The following PPP2R5A variants were observed in gnomAD, a reference collection of about 807,000 sequenced individuals.
PPP2R5A encodes the protein serine/threonine-protein phosphatase 2A 56 kDa regulatory subunit alpha isoform.
PPP2R5A carries 25 observed loss-of-function variants against 64.2 expected under a neutral mutation model. That is an observed-to-expected ratio of 0.39 (90% CI 0.28 to 0.54). The LOEUF is 0.54. Ranked by LOEUF, PPP2R5A falls within the 20% of genes least tolerant of loss-of-function variation. PPP2R5A has a pLI of 0.67. For missense variants in PPP2R5A, 425 were observed against 576.3 expected, an observed-to-expected ratio of 0.74 and a Z score of 2.69; for synonymous variants, 198 against 201.2, an observed-to-expected ratio of 0.98 and a Z score of 0.13.
At position 212,305,308 on chromosome 1, in the gene PPP2R5A, C is replaced by A. The variant is rs376036727; in HGVS notation, c.181+19017C>A. ...AAAGTGCTGGGATTACAGGTGTGAG[C>A]CACCGCGCCCGGCTCCAGCCCCCAA... On this transcript the variant is annotated intron_variant, in intron 1 of 12. Coordinates refer to ENST00000261461, the MANE Select transcript of PPP2R5A (RefSeq NM_006243.4). Among the ~76,000 whole-genome samples the A allele has an allele frequency of 3.9e-5, 6 of 152,196 alleles. No individual in the cohort carries two copies. The South Asian group carries it at 8.3e-4, about 21-fold the overall frequency.
intron 1 of PPP2R5A, 127 bp downstream of exon 1, chr1:212,286,418 TC>T (rs1303193035): frequency 6.6e-6 from 7 of 1,054,078 alleles, no homozygotes; most frequent in Admixed American, 4.0e-5. Context: ...TGAGCCGAGT[TC>T]CCCACAATGC....
chr1:212,289,192 C>T (rs1356642409), intron 1 of PPP2R5A, among the ~76,000 whole-genome samples: 2 of 152,138 alleles, frequency 1.3e-5, no homozygotes, highest in Admixed American at 6.5e-5. Context: ...AATTATTTTA[C>T]CTTAAAAATT....
chr1:212,285,896 C>A lies in PPP2R5A; in HGVS notation c.-215C>A. 1 of 423,508 alleles carries A rather than the reference C, an allele frequency of 2.4e-6. No individual in the cohort carries two copies. The highest frequency in any genetic ancestry group is 4.0e-6 in the Non-Finnish European group (1 of 248,996). 26.2% of individuals were successfully genotyped at this position (423,508 alleles called of 1,614,324 possible). On this transcript the variant is annotated 5_prime_UTR_variant, in exon 1 of 13. Coordinates refer to ENST00000261461, the MANE Select transcript of PPP2R5A (RefSeq NM_006243.4). ...GTCAGCCCCGGGAGCTCGCCGCGCG[C>A]CGGGGACCAGGAACCTCCAGCGCTG... is the stretch of plus-strand genomic sequence containing the variant.
chr1:212,345,691 A>G (rs1021592611), intron 4 of PPP2R5A, 112 bp from the exon 5 acceptor site: 2 of 1,082,986 alleles, frequency 1.8e-6, no homozygotes, highest in African/African-American at 3.3e-5. Context: ...GTGGTAAGGA[A>G]GAACTCTAAA....
intron 1 of PPP2R5A, among the ~76,000 whole-genome samples, chr1:212,287,153 C>T (rs944346533): frequency 6.6e-6 from 1 of 152,094 alleles, no homozygotes; most frequent in African/African-American, 2.4e-5. Context: ...CTCACTTTTC[C>T]CACTAGGTTT....
intron 11 of PPP2R5A, chr1:212,357,579 G>A (rs560841541): frequency 5.7e-4 from 96 of 168,156 alleles, no homozygotes; most frequent in Admixed American, 7.6e-4. Context: ...CGAGGCGGGC[G>A]GATCACAAGG....
chr1:212,315,430 C>T (rs1381105722), intron 1 of PPP2R5A, among the ~76,000 whole-genome samples: 1 of 152,172 alleles, frequency 6.6e-6, no homozygotes, highest in Non-Finnish European at 1.5e-5. Flanking sequence ...ATATATATTA[C>T]ACAGAGTTAT....
intron 1 of PPP2R5A, among the ~76,000 whole-genome samples, chr1:212,316,124 G>A (rs1193590993): frequency 6.6e-6 from 1 of 152,162 alleles, no homozygotes; most frequent in African/African-American, 2.4e-5. Context: ...TGGCTGCTAA[G>A]TGTTGAAGTG....
chr1:212,293,630 T>G (rs1039157243), intron 1 of PPP2R5A, among the ~76,000 whole-genome samples: 12 of 152,180 alleles, frequency 7.9e-5, no homozygotes, highest in Non-Finnish European at 1.6e-4. Flanking sequence ...GACTTTTAAG[T>G]AAGTAATGAA....
At chr1:212,302,212 A>T (rs1658810585) in intron 1 of PPP2R5A, 2 of 894,522 alleles carry the variant, frequency 2.2e-6, no homozygotes, top group African/African-American at 3.4e-5. Flanking sequence ...ACCACATTAC[A>T]GGGGAAAACT....
rs1466603337 is a variant in PPP2R5A, at chr1:212,313,229, G to A, written c.182-15906G>A. Among the ~76,000 whole-genome samples the A allele has an allele frequency of 2.0e-5, 3 of 152,256 alleles. No homozygotes were observed. The East Asian group carries it at 5.8e-4, about 29-fold the overall frequency. Reference sequence around the variant, plus strand: ...ACAGTCCTGTACTGCCTGTTTTCTAGCATCTGAAAACAATTGTTTTATATA... The same window carrying A: ...ACAGTCCTGTACTGCCTGTTTTCTAACATCTGAAAACAATTGTTTTATATA... On this transcript the variant is annotated intron_variant, in intron 1 of 12. Coordinates refer to ENST00000261461, the MANE Select transcript of PPP2R5A (RefSeq NM_006243.4).
At chr1:212,317,150 C>A (rs1659168831) in intron 1 of PPP2R5A, among the ~76,000 whole-genome samples, 1 of 152,176 alleles carries the variant, frequency 6.6e-6, no homozygotes, top group Non-Finnish European at 1.5e-5. Flanking sequence ...CACTTCTCTA[C>A]CTACTTTGAG....
chr1:212,354,808 C>T (rs1659950245), intron 8 of PPP2R5A, among the ~76,000 whole-genome samples: 1 of 152,120 alleles, frequency 6.6e-6, no homozygotes, highest in Non-Finnish European at 1.5e-5. Flanking sequence ...TATATTTTTA[C>T]TGTACCTTTC....
chr1:212,359,015 T>C (rs1300976236), intron 12 of PPP2R5A, among the ~76,000 whole-genome samples: 1 of 152,228 alleles, frequency 6.6e-6, no homozygotes, highest in Non-Finnish European at 1.5e-5. Context: ...GTAGCATTTA[T>C]TTTTGAGGGT....
intron 1 of PPP2R5A, among the ~76,000 whole-genome samples, chr1:212,327,340 CAA>C (rs1659423267): frequency 6.6e-6 from 1 of 152,092 alleles, no homozygotes; most frequent in Non-Finnish European, 1.5e-5. Flanking sequence ...AGGTTAGAAA[CAA>C]AAGGATTTAA....
intron 8 of PPP2R5A, among the ~76,000 whole-genome samples, chr1:212,351,111 A>C (rs1375912548): frequency 6.7e-6 from 1 of 148,996 alleles, no homozygotes; most frequent in Non-Finnish European, 1.5e-5. Flanking sequence ...ACAAAAAAAA[A>C]AACAAAAAAA....
At chr1:212,335,526 G>A (rs534199789) in intron 3 of PPP2R5A, among the ~76,000 whole-genome samples, 2 of 151,456 alleles carry the variant, frequency 1.3e-5, no homozygotes, top group South Asian at 2.1e-4. Flanking sequence ...ATTCTATGTC[G>A]TTTGGGATAC....
intron 8 of PPP2R5A, among the ~76,000 whole-genome samples, chr1:212,352,128 A>G (rs1659896034): frequency 6.6e-6 from 1 of 151,420 alleles, no homozygotes; most frequent in Admixed American, 6.6e-5. Flanking sequence ...GGTTCACGCA[A>G]TTCTTGTTCC....
chr1:212,291,181 G>A (rs1658596286), intron 1 of PPP2R5A, among the ~76,000 whole-genome samples: 1 of 151,924 alleles, frequency 6.6e-6, no homozygotes, highest in African/African-American at 2.4e-5. Flanking sequence ...CGATCTCTCG[G>A]CTCACTGCCA....
Sources: allele counts gnomAD v4.1 joint callset (sites outside exome capture counted in the v4.1 genomes callset), GRCh38; gene constraint gnomAD v4.1.1; transcripts MANE v1.5; gene names NCBI Gene and HGNC (gene_info 2026-07-23, HGNC 2026-07-21).